The following LMX1A variants were observed in gnomAD, a reference collection of about 807,000 sequenced individuals.
LMX1A encodes the protein LIM homeobox transcription factor 1 alpha.
Under a neutral mutation model 49.1 loss-of-function variants are expected in LMX1A, and 15 were observed. The ratio of observed to expected loss-of-function variants is 0.31; its 90% CI spans 0.20 to 0.47. The LOEUF is 0.47. Ranked by LOEUF, LMX1A falls within the 20% of genes least tolerant of loss-of-function variation. The pLI, the probability that LMX1A is intolerant of heterozygous loss-of-function variation, is 1.00. For missense variants in LMX1A, 372 were observed against 475.8 expected (o/e 0.78, Z 2.03); for synonymous variants, 167 against 185.7 (o/e 0.90, Z 0.82).
At chr1:165,330,585 C>T (rs1655717580) in intron 3 of LMX1A, among the ~76,000 whole-genome samples, 1 of 152,172 alleles carries the variant, frequency 6.6e-6, no homozygotes, top group South Asian at 2.1e-4. Context: ...ATATAGAAAA[C>T]AACTATGTGA....
intron 6 of LMX1A, among the ~76,000 whole-genome samples, chr1:165,209,114 T>A (rs1228055356): frequency 1.3e-5 from 2 of 152,224 alleles, no homozygotes; most frequent in Admixed American, 1.3e-4. Context: ...GAGCTTTAAA[T>A]GTGTCCCTGT....
intron 3 of LMX1A, among the ~76,000 whole-genome samples, chr1:165,337,885 T>C (rs1655947084): frequency 1.1e-5 from 1 of 94,330 alleles, no homozygotes; most frequent in South Asian, 4.2e-4. Context: ...TGTGTGTGTG[T>C]TTCTGTGTGT....
chr1:165,290,051 T>C lies in LMX1A; in HGVS notation c.264-40411A>G, dbSNP rs142636193. On this transcript the variant is annotated intron_variant, in intron 3 of 8. Transcript: ENST00000342310. ...ATTTGGGCCTCCCTTTCAGTAAACA[T>C]ACACTGCACATTTGGACCTGAGACA... Among the ~76,000 whole-genome samples the C allele has an allele frequency of 9.7e-3, 1,476 of 152,282 alleles. 11 individuals carry two copies. Among genetic ancestry groups the C allele is most frequent in the Middle Eastern group, 0.017 (5 of 294 alleles).
chr1:165,335,455 T>C (rs2101756546), intron 3 of LMX1A, among the ~76,000 whole-genome samples: 1 of 152,122 alleles, frequency 6.6e-6, no homozygotes, highest in East Asian at 1.9e-4. Flanking sequence ...AATAACTCAG[T>C]AAGTCTTGTT....
intron 3 of LMX1A, among the ~76,000 whole-genome samples, chr1:165,296,623 T>TA: frequency 6.6e-6 from 1 of 152,254 alleles, no homozygotes; most frequent in Non-Finnish European, 1.5e-5. Flanking sequence ...TAGTGTGGTA[T>TA]AAACGGCAGA....
intron 7 of LMX1A, among the ~76,000 whole-genome samples, chr1:165,207,781 C>T (rs769906509): frequency 6.6e-6 from 1 of 152,212 alleles, no homozygotes; most frequent in Non-Finnish European, 1.5e-5. Context: ...TGTGACTCTG[C>T]AAGCAGTCCC....
chr1:165,355,444 G>T lies in LMX1A; in HGVS notation c.76+40C>A. ...GGGCTCCAGAGCTCAGCGCCAAGCG[G>T]AAAGAGAGTGCGCCCAGGACGCACG... On this transcript the variant is annotated intron_variant, in intron 2 of 8. Transcript: ENST00000342310. The surrounding 1 kb of genome is among the most constrained non-coding windows in gnomAD (Gnocchi z 4.7). The T allele has an allele frequency of 6.2e-7, 1 of 1,604,470 alleles. No individual in the cohort carries two copies. Among genetic ancestry groups the T allele is most frequent in the Non-Finnish European group, 8.5e-7 (1 of 1,172,478 alleles).
In LMX1A at chr1:165,203,709, T is replaced by C; in HGVS notation, c.*171A>G. Reference sequence around the variant, plus strand: ...ATTAAACTATGCAATCCATAATGTATTCAGTCTTTGGAAATGCTGAGCTAC... The same window carrying C: ...ATTAAACTATGCAATCCATAATGTACTCAGTCTTTGGAAATGCTGAGCTAC... On this transcript the variant is annotated 3_prime_UTR_variant, in exon 9 of 9. Transcript: ENST00000342310. 1 of 563,432 alleles carries C rather than the reference T, an allele frequency of 1.8e-6. No homozygotes were observed. The highest frequency in any genetic ancestry group is 3.2e-6 in the Non-Finnish European group (1 of 311,678). 34.9% of individuals were successfully genotyped at this position (563,432 alleles called of 1,614,324 possible).
intron 3 of LMX1A, among the ~76,000 whole-genome samples, chr1:165,341,652 A>C (rs1656079874): frequency 6.6e-6 from 1 of 152,040 alleles, no homozygotes; most frequent in South Asian, 2.1e-4. Flanking sequence ...TGAATAGCAC[A>C]TAGTAATACA....
rs1652971392 is a variant in LMX1A, at chr1:165,249,418, G to A, written c.486C>T (p.Ala162=). The part of the protein sequence containing the change: ...RELLSLVSPA[A]SDSGKSDDEE... Reference sequence around the variant, plus strand: ...CCACCTGGCACTCACCTGAGTCTGAGGCTGCTGGGCTCACCAGGCTGAGCA... The same window carrying A: ...CCACCTGGCACTCACCTGAGTCTGAAGCTGCTGGGCTCACCAGGCTGAGCA... The change falls in exon 4 of 9, where the codon GCC becomes GCT. Residue 162 remains alanine, a synonymous_variant. Transcript: ENST00000342310. 4 of 1,613,314 alleles carry A rather than the reference G, an allele frequency of 2.5e-6. No individual in the cohort carries two copies. The highest frequency in any genetic ancestry group is 3.4e-6 in the Non-Finnish European group (4 of 1,179,372).
intron 3 of LMX1A, among the ~76,000 whole-genome samples, chr1:165,325,463 G>GTATA (rs775957922): frequency 7.5e-4 from 3 of 4,020 alleles, no homozygotes; most frequent in African/African-American, 1.3e-3. Flanking sequence ...ATATACATAT[G>GTATA]TGTGTGTGTG....
chr1:165,316,103 T>G (rs1241951593), intron 3 of LMX1A, among the ~76,000 whole-genome samples: 2 of 152,220 alleles, frequency 1.3e-5, no homozygotes, highest in Admixed American at 1.3e-4. Context: ...GGACATGGTA[T>G]GCAGGGGACA....
rs1298734812 is a variant in LMX1A, at chr1:165,353,197, G to A, written c.142C>T (p.Leu48=). 2 of 1,613,952 alleles carry A rather than the reference G, an allele frequency of 1.2e-6. No individual in the cohort carries two copies. The highest frequency in any genetic ancestry group is 2.7e-5 in the African/African-American group (2 of 74,940). Residue 48 remains leucine, a synonymous_variant, in exon 3 of 9, where the codon CTG becomes TTG. Coordinates refer to ENST00000342310, the MANE Select transcript of LMX1A (RefSeq NM_177398.4). ...CQRVILDRFL[L]RLNDSFWHEQ... The stretch of plus-strand genomic sequence containing the variant: ...TGCCAGAAGCTGTCGTTGAGCCGCA[G>A]CAGAAACCTGTCCAAGATGACCCGC...
intron 4 of LMX1A, among the ~76,000 whole-genome samples, chr1:165,234,705 A>G (rs1189336105): frequency 3.9e-5 from 6 of 152,228 alleles, no homozygotes. Context: ...CTTCACCGCC[A>G]AGGCCAAACT....
At chr1:165,340,050 A>G (rs1046547936) in intron 3 of LMX1A, among the ~76,000 whole-genome samples, 3 of 152,072 alleles carry the variant, frequency 2.0e-5, no homozygotes, top group African/African-American at 4.8e-5. Flanking sequence ...TCTTTTTACT[A>G]TATAGCCTTT....
chr1:165,204,457 G>C (rs1435193809), intron 8 of LMX1A, among the ~76,000 whole-genome samples: 1 of 152,172 alleles, frequency 6.6e-6, no homozygotes, highest in African/African-American at 2.4e-5. Flanking sequence ...AAACTCCTGT[G>C]ATAACATTTG....
chr1:165,241,658 T>C (rs1280946170), intron 4 of LMX1A, among the ~76,000 whole-genome samples: 2 of 152,174 alleles, frequency 1.3e-5, no homozygotes, highest in Non-Finnish European at 2.9e-5. Context: ...ACTGGAAAAT[T>C]CAGGACCATG....
At chr1:165,224,729 G>A (rs114009489) in intron 4 of LMX1A, among the ~76,000 whole-genome samples, 1,822 of 152,314 alleles carry the variant, frequency 0.012, 30 homozygotes, top group African/African-American at 0.036. Flanking sequence ...GCAATGCGTT[G>A]CACAAACAAA....
At chr1:165,204,753 G>A (rs961598203) in intron 8 of LMX1A, among the ~76,000 whole-genome samples, 1 of 152,198 alleles carries the variant, frequency 6.6e-6, no homozygotes, top group Non-Finnish European at 1.5e-5. Context: ...GATACTTCAT[G>A]TAACACAATC....
Sources: gnomAD v4.1 joint callset for allele counts (sites outside exome capture counted in the v4.1 genomes callset) on GRCh38, gnomAD v4.1.1 for gene constraint, Gnocchi (gnomAD v3.1) non-coding constraint, MANE v1.5 for transcripts, NCBI Gene and HGNC (gene_info 2026-07-23, HGNC 2026-07-21) for gene names.